The following ARHGEF12 variants were observed in gnomAD, a reference collection of about 807,000 sequenced individuals.
ARHGEF12 encodes KMT2A/ARHGEF12 fusion protein.
Under a neutral mutation model 211.2 loss-of-function variants are expected in ARHGEF12, and 66 were observed. The observed-to-expected ratio is 0.31, with a 90% CI of 0.26 to 0.38. The LOEUF is 0.38. Ranked by LOEUF, ARHGEF12 falls within the 10% of genes least tolerant of loss-of-function variation. The probability of loss-of-function intolerance (pLI) is 1.00; values close to 1 mark genes in which losing one functional copy is unlikely to be tolerated. For missense variants in ARHGEF12, 1,429 were observed against 1,869.5 expected, an observed-to-expected ratio of 0.76 and a Z score of 4.34; for synonymous variants, 592 against 638.4, an observed-to-expected ratio of 0.93 and a Z score of 1.09.
intron 34 of ARHGEF12, 123 bp from the exon 35 acceptor site, chr11:120,477,081 TTTGTTGTTGTTGTTG>T (rs146792075): frequency 1.7e-5 from 11 of 662,006 alleles, no homozygotes; most frequent in Admixed American, 2.8e-5. Flanking sequence ...CAGAGTGGGT[TTTGTTGTTGTTGTTG>T]TTGTTGTTGT....
intron 26 of ARHGEF12, 134 bp downstream of exon 26, chr11:120,459,454 T>A: frequency 1.1e-6 from 1 of 943,914 alleles, no homozygotes; most frequent in South Asian, 1.9e-5. Context: ...AATAAAGGAA[T>A]GATTGGAACT....
chr11:120,463,720 T>C (rs1298592258), intron 27 of ARHGEF12: 2 of 152,108 alleles, frequency 1.3e-5, no homozygotes, highest in Admixed American at 6.6e-5. Flanking sequence ...GAATACAAAA[T>C]TGGAGTGACC....
Position 120,414,903 on chromosome 11 carries a change from G to A in ARHGEF12, c.199+5453G>A, listed in dbSNP as rs773441619. Among the ~76,000 whole-genome samples, 8 of 152,226 alleles carry A rather than the reference G, an allele frequency of 5.3e-5. No individual in the cohort carries two copies. The East Asian group carries it at 7.7e-4, about 15-fold the overall frequency. On this transcript the variant is annotated intron_variant, in intron 4 of 40. Transcript: ENST00000397843. Reference sequence around the variant, plus strand: ...CACGGTGCCTGCCTGTCAGGATTACGTTTGAAGGAAGTTTAACTTTTTATA... The same window carrying A: ...CACGGTGCCTGCCTGTCAGGATTACATTTGAAGGAAGTTTAACTTTTTATA...
At chr11:120,413,112 G>A (rs1412546652) in intron 4 of ARHGEF12, among the ~76,000 whole-genome samples, 5 of 152,198 alleles carry the variant, frequency 3.3e-5, no homozygotes, top group Admixed American at 3.3e-4. Flanking sequence ...AGTACAGGTA[G>A]TTATTAAGAT....
intron 28 of ARHGEF12, 113 bp downstream of exon 28, chr11:120,465,475 T>G: frequency 7.5e-7 from 1 of 1,336,978 alleles, no homozygotes; most frequent in Non-Finnish European, 1.0e-6. Context: ...TGTGTTAACT[T>G]TTTTTTTTTG....
intron 15 of ARHGEF12, among the ~76,000 whole-genome samples, chr11:120,442,766 A>G (rs1307272073): frequency 2.0e-5 from 3 of 152,102 alleles, no homozygotes; most frequent in African/African-American, 7.2e-5. Flanking sequence ...CCCTTAATGC[A>G]TACTGGATAA....
intron 1 of ARHGEF12, among the ~76,000 whole-genome samples, chr11:120,362,977 G>A (rs1943319436): frequency 6.6e-6 from 1 of 152,196 alleles, no homozygotes; most frequent in Admixed American, 6.5e-5. Flanking sequence ...GCAGGCGCCT[G>A]TAGTCCCAGC....
Position 120,345,144 on chromosome 11 carries a change from G to A in ARHGEF12, c.32+7869G>A, listed in dbSNP as rs569314649. On this transcript the variant is annotated intron_variant, in intron 1 of 40. Transcript: ENST00000397843. ...TAGGCTTTCAGCAGCCTGAAGCCATGGTTTTTAGTTTCTGTCTCTAGTGAT... is the reference window on the plus strand; with the variant it reads ...TAGGCTTTCAGCAGCCTGAAGCCATAGTTTTTAGTTTCTGTCTCTAGTGAT... Among the ~76,000 whole-genome samples the A allele has an allele frequency of 5.9e-5, 9 of 152,256 alleles. No individual in the cohort carries two copies. In the South Asian group the frequency reaches 1.9e-3, roughly 32 times the overall value.
intron 33 of ARHGEF12, 187 bp from the exon 34 acceptor site, chr11:120,476,474 T>A (rs920012325): frequency 1.1e-5 from 5 of 437,128 alleles, no homozygotes; most frequent in Non-Finnish European, 1.6e-5. Context: ...GTACAATAAA[T>A]ATAGTACAAT....
rs771427080 is a variant in ARHGEF12, at chr11:120,424,432, C to G, written c.406+17C>G. 6.2e-7 allele frequency: 1 copy of G among 1,610,300 alleles called. No individual in the cohort carries two copies. ...TAATCAAATGTAGGTGAATGTTATT[C>G]TTAGTTTTAATTGTTTTCTGAAACC... On this transcript the variant is annotated intron_variant, in intron 7 of 40. Transcript: ENST00000397843.
intron 1 of ARHGEF12, among the ~76,000 whole-genome samples, chr11:120,338,999 C>CTTTT (rs1942444978): frequency 9.3e-6 from 1 of 107,900 alleles, no homozygotes; most frequent in African/African-American, 4.1e-5. Flanking sequence ...TGTTTCTTTT[C>CTTTT]TTTTTCTTTT....
At chr11:120,465,766 G>A (rs1273746464) in intron 28 of ARHGEF12, among the ~76,000 whole-genome samples, 1 of 152,210 alleles carries the variant, frequency 6.6e-6, no homozygotes, top group Non-Finnish European at 1.5e-5. Context: ...CCTGGCCCAC[G>A]TTAACATTTT....
At chr11:120,399,065 A>G (rs1320779116) in intron 1 of ARHGEF12, among the ~76,000 whole-genome samples, 2 of 152,014 alleles carry the variant, frequency 1.3e-5, no homozygotes, top group Admixed American at 6.6e-5. Context: ...CTGTAATCCC[A>G]GTGCTTTGGG....
At chr11:120,459,481 C>T (rs540696828) in intron 26 of ARHGEF12, 161 bp downstream of exon 26, 22 of 772,544 alleles carry the variant, frequency 2.8e-5, no homozygotes, top group Non-Finnish European at 4.1e-5. Context: ...AGATCCTTTT[C>T]CTCACAATCA....
At chr11:120,475,273 T>C in intron 32 of ARHGEF12, 67 bp from the exon 33 acceptor site, 1 of 1,437,246 alleles carries the variant, frequency 7.0e-7, no homozygotes, top group Non-Finnish European at 9.6e-7. Flanking sequence ...TGTTGAATCA[T>C]TATAAAGTTA....
intron 1 of ARHGEF12, among the ~76,000 whole-genome samples, chr11:120,375,409 TA>T (rs911723066): frequency 1.1e-4 from 16 of 151,892 alleles, no homozygotes; most frequent in Non-Finnish European, 1.3e-4. Context: ...ATTAAATGGT[TA>T]AAAAAAAGAG....
At chr11:120,358,694 C>T (rs1052642766) in intron 1 of ARHGEF12, among the ~76,000 whole-genome samples, 2 of 152,164 alleles carry the variant, frequency 1.3e-5, no homozygotes, top group Non-Finnish European at 2.9e-5. Context: ...TATTCACTAG[C>T]CACATGAAGC....
In ARHGEF12 at chr11:120,467,259, A is replaced by G. The variant is rs1242509872; in HGVS notation, c.2805A>G (p.Gln935=). The G allele has an allele frequency of 3.7e-6, 6 of 1,613,728 alleles. No homozygotes were observed. The highest frequency in any genetic ancestry group is 1.7e-5 in the Admixed American group (1 of 59,998). ...AGGATATTATTCCCACTCAAATGCA[A>G]AGGCTTACTAAGTACCCACTTCTGT... ...QLKDIIPTQM[Q]RLTKYPLLLD... is the part of the protein sequence containing the mutation. The change falls in exon 29 of 41, where the codon CAA becomes CAG. Residue 935 remains glutamine (Q), a synonymous_variant. Coordinates refer to ENST00000397843, the MANE Select transcript of ARHGEF12 (RefSeq NM_015313.3).
In ARHGEF12 at chr11:120,467,124, C is replaced by T. The variant is rs980133556; in HGVS notation, c.2740-70C>T. ...AGAACTGTGATGCATTAAACCCTCA[C>T]GGTGAATACATGGTACATGTATAAG... is the stretch of plus-strand genomic sequence containing the variant. On this transcript the variant is annotated intron_variant, in intron 28 of 40. Coordinates refer to ENST00000397843, the MANE Select transcript of ARHGEF12 (RefSeq NM_015313.3). The T allele has an allele frequency of 1.3e-4, 131 of 972,014 alleles. 2 individuals are homozygous for T. The South Asian group carries it at 1.6e-3, about 12-fold the overall frequency. 60.2% of individuals were successfully genotyped at this position (972,014 alleles called of 1,614,324 possible).
Sources: gnomAD v4.1 joint callset for allele counts (sites outside exome capture counted in the v4.1 genomes callset) on GRCh38, gnomAD v4.1.1 for gene constraint, MANE v1.5 for transcripts, NCBI Gene and HGNC (gene_info 2026-07-23, HGNC 2026-07-21) for gene names.